SLC35F1: variants seen among roughly 807,000 people sequenced by gnomAD.
SLC35F1 encodes chromosome 6 open reading frame 169.
A neutral mutation model predicts 48.7 loss-of-function variants in SLC35F1; 14 were observed. That is an observed-to-expected ratio of 0.29 (90% CI 0.19 to 0.45). The LOEUF (loss-of-function observed/expected upper bound fraction) is 0.45. Ranked by LOEUF, SLC35F1 falls within the 20% of genes least tolerant of loss-of-function variation. SLC35F1 has a pLI of 1.00. For missense variants in SLC35F1, 404 were observed against 500.0 expected (o/e 0.81, Z 1.83); for synonymous variants, 190 against 202.2 (o/e 0.94, Z 0.51).
intron 2 of SLC35F1, among the ~76,000 whole-genome samples, chr6:118,227,953 G>A (rs1327071695): frequency 1.3e-5 from 2 of 152,150 alleles, no homozygotes; most frequent in Non-Finnish European, 2.9e-5. Flanking sequence ...AGTCTTGCAT[G>A]TAGTGTGCAA....
intron 1 of SLC35F1, among the ~76,000 whole-genome samples, chr6:117,980,180 G>A (rs1211418075): frequency 6.6e-6 from 1 of 152,112 alleles, no homozygotes; most frequent in Non-Finnish European, 1.5e-5. Context: ...AATGTGTGAG[G>A]GGGGAAACTT....
chr6:117,920,688 A>G (rs948372667), intron 1 of SLC35F1, among the ~76,000 whole-genome samples: 1 of 152,316 alleles, frequency 6.6e-6, no homozygotes, highest in African/African-American at 2.4e-5. Context: ...TGCAGGATTT[A>G]CAAAGAGTAT....
intron 2 of SLC35F1, among the ~76,000 whole-genome samples, chr6:118,203,969 T>C (rs1293011352): frequency 1.3e-5 from 2 of 151,956 alleles, no homozygotes; most frequent in African/African-American, 4.8e-5. Flanking sequence ...GAAGACAAGT[T>C]AGCAAGAAAA....
chr6:118,006,367 A>C (rs932600032), intron 1 of SLC35F1, among the ~76,000 whole-genome samples: 1 of 152,196 alleles, frequency 6.6e-6, no homozygotes, highest in African/African-American at 2.4e-5. Flanking sequence ...CTGTAATCCC[A>C]GCACGTTGGG....
At chr6:118,072,847 G>A (rs1217982222) in intron 1 of SLC35F1, among the ~76,000 whole-genome samples, 1 of 152,026 alleles carries the variant, frequency 6.6e-6, no homozygotes, top group African/African-American at 2.4e-5. Flanking sequence ...TTTTCCATTC[G>A]TGACTGTTCA....
chr6:118,245,496 C>G (rs1775495716), intron 3 of SLC35F1, among the ~76,000 whole-genome samples: 1 of 152,192 alleles, frequency 6.6e-6, no homozygotes. Context: ...GAGCTGCTGT[C>G]TGGCGTTCTG....
At chr6:117,923,151 G>A (rs932870408) in intron 1 of SLC35F1, among the ~76,000 whole-genome samples, 4 of 152,074 alleles carry the variant, frequency 2.6e-5, no homozygotes, top group Non-Finnish European at 4.4e-5. Context: ...CTTAAAATCC[G>A]TGATTATACA....
intron 1 of SLC35F1, among the ~76,000 whole-genome samples, chr6:117,932,671 C>A (rs984385607): frequency 6.6e-6 from 1 of 152,144 alleles, no homozygotes; most frequent in South Asian, 2.1e-4. Flanking sequence ...ATTGTCTGAA[C>A]TACATCTTTT....
intron 2 of SLC35F1, among the ~76,000 whole-genome samples, chr6:118,178,623 C>G (rs1160429184): frequency 6.6e-6 from 1 of 152,020 alleles, no homozygotes; most frequent in African/African-American, 2.4e-5. Context: ...GGAGAAAATT[C>G]CTTACACTGA....
intron 2 of SLC35F1, among the ~76,000 whole-genome samples, chr6:118,202,738 C>A (rs1774887748): frequency 6.6e-6 from 1 of 152,102 alleles, no homozygotes; most frequent in Non-Finnish European, 1.5e-5. Flanking sequence ...TAGGTGATTT[C>A]ATGTAGTGAT....
At chr6:117,986,067 C>G (rs1186701297) in intron 1 of SLC35F1, among the ~76,000 whole-genome samples, 2 of 152,292 alleles carry the variant, frequency 1.3e-5, no homozygotes, top group East Asian at 3.9e-4. Context: ...TCTCTTGTTT[C>G]AGATTCTTTG....
At chr6:118,248,100 T>C (rs1775530716) in intron 3 of SLC35F1, among the ~76,000 whole-genome samples, 1 of 152,214 alleles carries the variant, frequency 6.6e-6, no homozygotes, top group Admixed American at 6.5e-5. Flanking sequence ...AACCATAACC[T>C]TCCAGAGTGA....
At chr6:118,196,435 G>C (rs903790324) in intron 2 of SLC35F1, among the ~76,000 whole-genome samples, 25 of 152,130 alleles carry the variant, frequency 1.6e-4, no homozygotes, top group Non-Finnish European at 3.2e-4. Context: ...CAAAAAATCA[G>C]CTGGGGCCAG....
intron 5 of SLC35F1, among the ~76,000 whole-genome samples, chr6:118,277,261 G>T (rs1293254987): frequency 6.6e-6 from 1 of 152,196 alleles, no homozygotes; most frequent in Non-Finnish European, 1.5e-5. Context: ...AGCAGGAAGG[G>T]TTGAGCGCCC....
At chr6:118,236,814 A>C (rs955455739) in intron 3 of SLC35F1, among the ~76,000 whole-genome samples, 1 of 152,182 alleles carries the variant, frequency 6.6e-6, no homozygotes, top group Non-Finnish European at 1.5e-5. Context: ...TTTTAGACTG[A>C]TGTTGGAAGA....
At chr6:117,999,122 A>C (rs1777046248) in intron 1 of SLC35F1, 1 of 1,590,680 alleles carries the variant, frequency 6.3e-7, no homozygotes, top group Admixed American at 1.7e-5. Context: ...CAAGAAGCAC[A>C]ACAAAAAGGG....
At chr6:118,309,169 A>ATGTGTG (rs57832608) in intron 7 of SLC35F1, among the ~76,000 whole-genome samples, 1,535 of 148,194 alleles carry the variant, frequency 0.01, 8 homozygotes, top group African/African-American at 0.016. Context: ...GGGCCTGTAG[A>ATGTGTG]TGTGTGTGTG....
intron 1 of SLC35F1, among the ~76,000 whole-genome samples, chr6:118,134,306 AT>A (rs71670307): frequency 0.36 from 54,768 of 152,018 alleles, 10,393 homozygotes; most frequent in Non-Finnish European, 0.43. Flanking sequence ...CTTATAGTCC[AT>A]TTATCTCATT....
intron 1 of SLC35F1, among the ~76,000 whole-genome samples, chr6:118,002,406 A>T (rs1465554350): frequency 2.0e-5 from 3 of 151,620 alleles, no homozygotes; most frequent in Admixed American, 6.6e-5. Context: ...AACAATGAGA[A>T]CACATGGACA....
Sources: allele counts gnomAD v4.1 joint callset (sites outside exome capture counted in the v4.1 genomes callset), GRCh38; gene constraint gnomAD v4.1.1; transcripts MANE v1.5; gene names NCBI Gene and HGNC (gene_info 2026-07-23, HGNC 2026-07-21).